FAM76A: variants seen among roughly 807,000 people sequenced by gnomAD.
FAM76A encodes family with sequence similarity 76 member A.
A neutral mutation model predicts 46.2 loss-of-function variants in FAM76A; 32 were observed. That is an observed-to-expected ratio of 0.69 (90% confidence interval 0.52 to 0.93). The LOEUF (loss-of-function observed/expected upper bound fraction) is 0.93. FAM76A is among the 40% of genes least tolerant of loss of function. FAM76A has a pLI of 0.00. For missense variants in FAM76A, 274 were observed against 361.5 expected (o/e 0.76, Z 1.96); for synonymous variants, 137 against 127.0 (o/e 1.08, Z -0.53).
rs540092184 is a variant in FAM76A at position 27,758,687 on chromosome 1, T to G, written c.736-839T>G. ...CAGCTATTTTAATTTTCGTTTTTTTTTTTTTTTTTTTTGTAGACATGGGGT... is the reference window on the plus strand; with the variant it reads ...CAGCTATTTTAATTTTCGTTTTTTTGTTTTTTTTTTTTGTAGACATGGGGT... On this transcript the variant is annotated intron_variant, in intron 7 of 8. Coordinates refer to ENST00000373954, the MANE Select transcript of FAM76A (RefSeq NM_152660.3). 1.7e-4 allele frequency among the ~76,000 whole-genome samples: 25 copies of G among 150,136 alleles called. No individual in the cohort carries two copies. The South Asian group carries it at 2.9e-3, about 18-fold the overall frequency.
chr1:27,733,138 G>T (rs2087987653), intron 3 of FAM76A, among the ~76,000 whole-genome samples: 1 of 152,050 alleles, frequency 6.6e-6, no homozygotes, highest in Admixed American at 6.6e-5. Flanking sequence ...CACCATGTTG[G>T]TCAGGCTGGT....
intron 4 of FAM76A, chr1:27,739,034 G>A (rs935509672): frequency 5.1e-6 from 1 of 197,288 alleles, no homozygotes; most frequent in African/African-American, 2.4e-5. Context: ...AGGCAGGTAA[G>A]GGGCTATATT....
intron 2 of FAM76A, among the ~76,000 whole-genome samples, chr1:27,730,554 A>T (rs1473969526): frequency 6.6e-6 from 1 of 152,132 alleles, no homozygotes; most frequent in South Asian, 2.1e-4. Context: ...CATCTACCCC[A>T]TTCCTTCAGT....
chr1:27,751,163 G>A (rs1270206157), intron 6 of FAM76A, among the ~76,000 whole-genome samples: 2 of 152,002 alleles, frequency 1.3e-5, no homozygotes, highest in Non-Finnish European at 2.9e-5. Context: ...AAAAGGTAGG[G>A]GAGATAACTT....
At chr1:27,742,158 T>C (rs2088166156) in intron 4 of FAM76A, among the ~76,000 whole-genome samples, 1 of 152,154 alleles carries the variant, frequency 6.6e-6, no homozygotes, top group Admixed American at 6.5e-5. Context: ...GGCCTACCCA[T>C]GTTCAAGATG....
intron 5 of FAM76A, among the ~76,000 whole-genome samples, chr1:27,745,550 G>T (rs2088227918): frequency 6.6e-6 from 1 of 152,170 alleles, no homozygotes; most frequent in African/African-American, 2.4e-5. Context: ...ATGAAGAGCT[G>T]AATACAAGTC....
chr1:27,734,208 C>T (rs1473948675), intron 4 of FAM76A, 25 bp downstream of exon 4: 2 of 1,561,242 alleles, frequency 1.3e-6, no homozygotes, highest in African/African-American at 2.8e-5. Flanking sequence ...TTCTTGATTT[C>T]TTTTTTTCCT....
intron 1 of FAM76A, 76 bp from the exon 2 acceptor site, chr1:27,727,396 A>G (rs1467033311): frequency 1.3e-5 from 15 of 1,172,996 alleles, no homozygotes; most frequent in Non-Finnish European, 1.9e-5. Context: ...TAGAAATAGT[A>G]CCCAGGTCGG....
At chr1:27,742,529 T>C (rs2088171964) in intron 4 of FAM76A, among the ~76,000 whole-genome samples, 2 of 152,160 alleles carry the variant, frequency 1.3e-5, no homozygotes, top group African/African-American at 4.8e-5. Context: ...TCTTTCCATC[T>C]GAGAGATGGT....
intron 6 of FAM76A, among the ~76,000 whole-genome samples, chr1:27,751,951 A>G (rs1158668927): frequency 6.6e-6 from 1 of 151,986 alleles, no homozygotes. Flanking sequence ...CTACAGGCAC[A>G]TGCCTCCACA....
At chr1:27,729,249 C>T (rs1458102004) in intron 2 of FAM76A, among the ~76,000 whole-genome samples, 1 of 151,434 alleles carries the variant, frequency 6.6e-6, no homozygotes, top group Non-Finnish European at 1.5e-5. Context: ...TCTCTGTCAC[C>T]CAAGCTGGAG....
intron 4 of FAM76A, among the ~76,000 whole-genome samples, chr1:27,743,418 T>C (rs2088188332): frequency 6.6e-6 from 1 of 152,152 alleles, no homozygotes; most frequent in African/African-American, 2.4e-5. Context: ...CTTCCTGAAG[T>C]GTACATATCT....
Position 27,748,609 on chromosome 1 carries a change from G to GTT in FAM76A, c.513-458_513-457insTT. ...CCATTCTGCTGCCTCAGCCTCCTGC[G>GTT]TAGCTGGGACTACAGGCGCCCGCCA... On this transcript the variant is annotated intron_variant, in intron 5 of 8. Coordinates refer to ENST00000373954, the MANE Select transcript of FAM76A (RefSeq NM_152660.3). 2.0e-5 allele frequency among the ~76,000 whole-genome samples: 3 copies of GTT among 150,550 alleles called. No individual in the cohort carries two copies. In the Admixed American group the frequency reaches 2.0e-4, roughly 10 times the overall value.
intron 6 of FAM76A, among the ~76,000 whole-genome samples, chr1:27,754,410 A>G (rs1469389082): frequency 1.3e-5 from 2 of 152,058 alleles, no homozygotes; most frequent in Non-Finnish European, 2.9e-5. Flanking sequence ...CCGGCCTAAA[A>G]CTGCCCCTTC....
chr1:27,730,852 G>A (rs2087945017), intron 2 of FAM76A, among the ~76,000 whole-genome samples: 2 of 152,110 alleles, frequency 1.3e-5, no homozygotes, highest in Non-Finnish European at 2.9e-5. Context: ...GTCTCACTCT[G>A]TCACTCAGGC....
At chr1:27,739,914 G>T in intron 4 of FAM76A, 1 of 208,604 alleles carries the variant, frequency 4.8e-6, no homozygotes, top group South Asian at 8.3e-5. Flanking sequence ...AAGGAGAGAA[G>T]ATGGACTCAT....
chr1:27,760,038 G>A, intron 8 of FAM76A: 1 of 457,770 alleles, frequency 2.2e-6, no homozygotes, highest in South Asian at 1.6e-5. Flanking sequence ...CTCACAAAGT[G>A]CTAGGATTAC....
chr1:27,749,367 C>T (rs958984034), intron 6 of FAM76A, among the ~76,000 whole-genome samples: 4 of 152,098 alleles, frequency 2.6e-5, no homozygotes, highest in Admixed American at 6.6e-5. Context: ...CTGCAGTCCA[C>T]TAAATTATAA....
intron 4 of FAM76A, chr1:27,739,030 G>T (rs2148572962): frequency 5.1e-6 from 1 of 197,654 alleles, no homozygotes; most frequent in Middle Eastern, 2.1e-3. Context: ...ATAGAGGCAG[G>T]TAAGGGGCTA....
Sources: allele counts gnomAD v4.1 joint callset (sites outside exome capture counted in the v4.1 genomes callset), GRCh38; gene constraint gnomAD v4.1.1; transcripts MANE v1.5; gene names NCBI Gene and HGNC (gene_info 2026-07-23, HGNC 2026-07-21).